Variants in EYS observed in about 807,000 individuals in gnomAD.
The protein encoded by EYS is EGF-like photoreceptor maintenance factor, also known as protein eyes shut homolog.
A neutral mutation model predicts 282.1 loss-of-function variants in EYS; 250 were observed. That is an observed-to-expected ratio of 0.89 (90% CI 0.80 to 0.98). The LOEUF (loss-of-function observed/expected upper bound fraction) is 0.98. Ranked by LOEUF, EYS falls within the 50% of genes least tolerant of loss-of-function variation. EYS has a pLI of 0.00. For missense variants in EYS, 4,016 were observed against 3,709.0 expected, an observed-to-expected ratio of 1.08 and a Z score of -2.15; for synonymous variants, 1,355 against 1,282.9, an observed-to-expected ratio of 1.06 and a Z score of -1.20.
chr6:64,652,041 A>G (rs1241248875), intron 22 of EYS, among the ~76,000 whole-genome samples: 1 of 152,226 alleles, frequency 6.6e-6, no homozygotes, highest in East Asian at 1.9e-4. Context: ...AAAGCTTACA[A>G]AAATTTGCAT....
In EYS at chr6:64,754,994, G is replaced by A. The variant is rs1772887508; in HGVS notation, c.3443+58384C>T. 2.0e-5 allele frequency among the ~76,000 whole-genome samples: 3 copies of A among 152,092 alleles called. No homozygotes were observed. In the South Asian group the frequency reaches 6.2e-4, roughly 31 times the overall value. ...AGATATCCAAACCGGAACCGAGGAAGTCAAATTAGCTCTGTTTACTGACAG... is the reference window on the plus strand; with the variant it reads ...AGATATCCAAACCGGAACCGAGGAAATCAAATTAGCTCTGTTTACTGACAG... On this transcript the variant is annotated intron_variant, in intron 22 of 42. Transcript: ENST00000503581.
At chr6:63,878,478 C>T (rs564285767) in intron 35 of EYS, among the ~76,000 whole-genome samples, 3 of 152,264 alleles carry the variant, frequency 2.0e-5, no homozygotes, top group Admixed American at 6.5e-5. Context: ...ACTCCATGCT[C>T]GGAGAACCAC....
intron 12 of EYS, among the ~76,000 whole-genome samples, chr6:65,144,443 C>T (rs1304982483): frequency 1.3e-5 from 2 of 151,960 alleles, no homozygotes; most frequent in Non-Finnish European, 2.9e-5. Context: ...GGTTATATTA[C>T]CTTTGAATGG....
At chr6:64,919,334 T>A (rs923697477) in intron 15 of EYS, among the ~76,000 whole-genome samples, 3 of 151,742 alleles carry the variant, frequency 2.0e-5, no homozygotes, top group African/African-American at 7.3e-5. Context: ...CGCACCCGGC[T>A]ATTTTTTGTA....
intron 35 of EYS, among the ~76,000 whole-genome samples, chr6:63,915,948 C>T (rs1162656275): frequency 2.6e-5 from 4 of 152,118 alleles, no homozygotes; most frequent in East Asian, 1.9e-4. Context: ...TTGATGTAAA[C>T]GTTACTGAAA....
At chr6:64,392,983 G>C (rs188349939) in intron 28 of EYS, among the ~76,000 whole-genome samples, 55 of 152,280 alleles carry the variant, frequency 3.6e-4, no homozygotes, top group Non-Finnish European at 1.3e-4. Flanking sequence ...ACCACCATCA[G>C]AGAATACTAC....
intron 11 of EYS, among the ~76,000 whole-genome samples, chr6:65,334,298 G>C (rs1257638064): frequency 6.6e-6 from 1 of 151,678 alleles, no homozygotes; most frequent in Non-Finnish European, 1.5e-5. Flanking sequence ...GTCTCACTCT[G>C]TTGCCCAGGC....
At chr6:65,373,515 A>G (rs958142316) in intron 8 of EYS, among the ~76,000 whole-genome samples, 1 of 151,990 alleles carries the variant, frequency 6.6e-6, no homozygotes, top group Non-Finnish European at 1.5e-5. Flanking sequence ...GCAGTCCTGG[A>G]ATGACTTCTA....
intron 22 of EYS, among the ~76,000 whole-genome samples, chr6:64,763,720 A>G (rs1221810004): frequency 6.6e-6 from 1 of 152,034 alleles, no homozygotes; most frequent in Non-Finnish European, 1.5e-5. Context: ...GACAAAACAA[A>G]TCCCTTCCAC....
intron 30 of EYS, among the ~76,000 whole-genome samples, chr6:64,272,145 A>C (rs1282597721): frequency 6.6e-6 from 1 of 152,150 alleles, no homozygotes; most frequent in Admixed American, 6.6e-5. Context: ...ATAGAAACCC[A>C]TAGGGATTTT....
At chr6:64,660,441 C>G (rs1270073896) in intron 22 of EYS, among the ~76,000 whole-genome samples, 1 of 151,962 alleles carries the variant, frequency 6.6e-6, no homozygotes. Context: ...AAGAGGAAGT[C>G]AAATTGTCCC....
At chr6:65,403,404 T>G (rs1766593563) in intron 6 of EYS, among the ~76,000 whole-genome samples, 1 of 151,910 alleles carries the variant, frequency 6.6e-6, no homozygotes, top group African/African-American at 2.4e-5. Flanking sequence ...TTTGTTATCC[T>G]TATCATCATC....
chr6:63,871,436 A>G (rs6939505), intron 35 of EYS, among the ~76,000 whole-genome samples: 73,452 of 151,864 alleles, frequency 0.48, 18,790 homozygotes, highest in African/African-American at 0.63. Context: ...TGAGGTGGGC[A>G]GATCACTTGA....
At chr6:64,230,134 C>T (rs1054407293) in intron 31 of EYS, among the ~76,000 whole-genome samples, 1 of 152,116 alleles carries the variant, frequency 6.6e-6, no homozygotes, top group African/African-American at 2.4e-5. Flanking sequence ...AATGTTAAAA[C>T]CATATTCTTA....
intron 35 of EYS, among the ~76,000 whole-genome samples, chr6:63,872,547 C>T (rs1401731242): frequency 2.2e-5 from 3 of 135,592 alleles, no homozygotes; most frequent in East Asian, 4.4e-4. Context: ...GGTGTGAATT[C>T]GGTTCACTGC....
intron 1 of EYS, among the ~76,000 whole-genome samples, chr6:65,683,683 C>T (rs1241103533): frequency 6.6e-6 from 1 of 151,972 alleles, no homozygotes; most frequent in African/African-American, 2.4e-5. Flanking sequence ...ACTAGCAGCA[C>T]ATTCAGTGCT....
intron 29 of EYS, among the ~76,000 whole-genome samples, chr6:64,312,191 G>C (rs1769739744): frequency 6.6e-6 from 1 of 151,980 alleles, no homozygotes. Context: ...GAGCTTGGTG[G>C]GGGGAGGGGC....
intron 26 of EYS, among the ~76,000 whole-genome samples, chr6:64,465,093 T>C (rs921286748): frequency 1.3e-5 from 2 of 151,876 alleles, no homozygotes; most frequent in East Asian, 1.9e-4. Context: ...CAAAACAACA[T>C]TGACGAAATA....
At chr6:64,423,396 A>T (rs1774297997) in intron 28 of EYS, among the ~76,000 whole-genome samples, 1 of 152,210 alleles carries the variant, frequency 6.6e-6, no homozygotes, top group Non-Finnish European at 1.5e-5. Context: ...TTTAACTATA[A>T]GTTTAGTATA....
Sources: gnomAD v4.1 joint callset for allele counts (sites outside exome capture counted in the v4.1 genomes callset) on GRCh38, gnomAD v4.1.1 for gene constraint, MANE v1.5 for transcripts, NCBI Gene and HGNC (gene_info 2026-07-23, HGNC 2026-07-21) for gene names.